USP46: variants seen among roughly 807,000 people sequenced by gnomAD.
USP46 encodes ubiquitin carboxyl-terminal hydrolase 46.
A neutral mutation model predicts 44.4 loss-of-function variants in USP46; 12 were observed. That is an observed-to-expected ratio of 0.27 (90% CI 0.17 to 0.44). The LOEUF (loss-of-function observed/expected upper bound fraction) is 0.44. Among genes scored for constraint, USP46 ranks in the 20% least tolerant of loss-of-function variants. USP46 has a pLI of 1.00. For synonymous variants in USP46, 155 were observed against 161.5 expected, an observed-to-expected ratio of 0.96 and a Z score of 0.31; for missense variants, 248 against 444.8, an observed-to-expected ratio of 0.56 and a Z score of 3.98.
chr4:52,642,882 C>T (rs916961712), intron 1 of USP46, among the ~76,000 whole-genome samples: 1 of 152,032 alleles, frequency 6.6e-6, no homozygotes, highest in African/African-American at 2.4e-5. Context: ...GCAATCTTTA[C>T]TAAATACTTG....
intron 4 of USP46, among the ~76,000 whole-genome samples, chr4:52,619,074 C>T (rs1040799265): frequency 6.6e-6 from 1 of 152,046 alleles, no homozygotes; most frequent in Admixed American, 6.6e-5. Context: ...ACAAATCTTA[C>T]GAACCAAACA....
At chr4:52,630,139 C>T (rs563403624) in intron 2 of USP46, among the ~76,000 whole-genome samples, 11 of 152,150 alleles carry the variant, frequency 7.2e-5, no homozygotes, top group South Asian at 2.1e-4. Flanking sequence ...AGAAAGCTCA[C>T]GAGGATGGAG....
rs1448379839 is a variant in USP46, at chr4:52,643,437, T to C, written c.37-12293A>G. Reference sequence around the variant, plus strand: ...ACAGCCATGATCATTCATTTACTTATGGCAACTACTTTCACAATATTAACA... The same window carrying C: ...ACAGCCATGATCATTCATTTACTTACGGCAACTACTTTCACAATATTAACA... On this transcript the variant is annotated intron_variant, in intron 1 of 8. Transcript: ENST00000441222. Among the ~76,000 whole-genome samples, 3 of 152,250 alleles carry C rather than the reference T, an allele frequency of 2.0e-5. No homozygotes were observed. The East Asian group carries it at 5.8e-4, about 29-fold the overall frequency.
At chr4:52,636,588 C>G (rs1174909729) in intron 1 of USP46, among the ~76,000 whole-genome samples, 1 of 150,934 alleles carries the variant, frequency 6.6e-6, no homozygotes, top group Non-Finnish European at 1.5e-5. Flanking sequence ...CACCTGTAGT[C>G]CCAGCTACTT....
intron 1 of USP46, among the ~76,000 whole-genome samples, chr4:52,644,028 C>T (rs777222680): frequency 6.6e-6 from 1 of 152,210 alleles, no homozygotes; most frequent in Non-Finnish European, 1.5e-5. Context: ...CATTACCTAA[C>T]CACCGGGCAC....
chr4:52,618,572 CTAAATAAA>C (rs1420284312), intron 4 of USP46, among the ~76,000 whole-genome samples: 1 of 152,074 alleles, frequency 6.6e-6, no homozygotes, highest in African/African-American at 2.4e-5. Flanking sequence ...GACCCTAACT[CTAAATAAA>C]TAAATAAATA....
chr4:52,632,946 A>AAG (rs1290225428), intron 1 of USP46, among the ~76,000 whole-genome samples: 5 of 73,456 alleles, frequency 6.8e-5, no homozygotes, highest in African/African-American at 2.9e-4. Flanking sequence ...GAAAGAAAGA[A>AAG]AGAAAGAAAG....
At chr4:52,613,739 A>G (rs1261984315) in intron 4 of USP46, among the ~76,000 whole-genome samples, 1 of 151,086 alleles carries the variant, frequency 6.6e-6, no homozygotes, top group Non-Finnish European at 1.5e-5. Context: ...AAAAAAAAAG[A>G]AAAGAAAAGA....
At chr4:52,623,844 C>T (rs370595993) in intron 4 of USP46, among the ~76,000 whole-genome samples, 8 of 152,066 alleles carry the variant, frequency 5.3e-5, no homozygotes, top group Non-Finnish European at 7.4e-5. Context: ...CACTTGAACC[C>T]GGGAGGCAGA....
chr4:52,617,695 G>T (rs1482053198), intron 4 of USP46, among the ~76,000 whole-genome samples: 2 of 152,296 alleles, frequency 1.3e-5, no homozygotes, highest in South Asian at 2.1e-4. Flanking sequence ...TGGAGGAAGG[G>T]TGTTGGTTTG....
intron 4 of USP46, among the ~76,000 whole-genome samples, chr4:52,621,663 T>TAA (rs577502883): frequency 2.9e-5 from 4 of 139,118 alleles, no homozygotes; most frequent in Non-Finnish European, 3.2e-5. Flanking sequence ...CTCACACACA[T>TAA]AAAAAAAAAA....
At chr4:52,629,073 C>T (rs1193752686) in intron 2 of USP46, among the ~76,000 whole-genome samples, 2 of 152,130 alleles carry the variant, frequency 1.3e-5, no homozygotes, top group Admixed American at 6.5e-5. Flanking sequence ...AAATAACTAA[C>T]AAGATTAATA....
At position 52,659,173 on chromosome 4, in the gene USP46, C is replaced by G. The variant is rs1577706805; in HGVS notation, c.-23G>C. 1 of 1,546,544 alleles carries G rather than the reference C, an allele frequency of 6.5e-7. No homozygotes were observed. The highest frequency in any genetic ancestry group is 8.7e-7 in the Non-Finnish European group (1 of 1,146,646). On this transcript the variant is annotated 5_prime_UTR_variant, in exon 1 of 9. Coordinates refer to ENST00000441222, the MANE Select transcript of USP46 (RefSeq NM_022832.4). The surrounding 1 kb of genome is among the most constrained non-coding windows in gnomAD (Gnocchi z 4.2). The stretch of plus-strand genomic sequence containing the variant: ...CATTAGTCTAAAGGTTGCAGCGATC[C>G]CTCACCGCCATCTTTACAAGGGGAA...
At chr4:52,653,732 T>C (rs1360869406) in intron 1 of USP46, among the ~76,000 whole-genome samples, 1 of 152,062 alleles carries the variant, frequency 6.6e-6, no homozygotes, top group Non-Finnish European at 1.5e-5. Flanking sequence ...ATGGGTAAGC[T>C]AGAGATAGAG....
intron 6 of USP46, among the ~76,000 whole-genome samples, chr4:52,603,199 T>C (rs766841621): frequency 6.6e-6 from 1 of 152,198 alleles, no homozygotes; most frequent in Non-Finnish European, 1.5e-5. Flanking sequence ...CCCCCAGGGC[T>C]GAACAAAAAA....
At chr4:52,601,643 AT>A (rs1381818857) in intron 7 of USP46, among the ~76,000 whole-genome samples, 1 of 152,214 alleles carries the variant, frequency 6.6e-6, no homozygotes, top group Non-Finnish European at 1.5e-5. Flanking sequence ...AATTTCTCTC[AT>A]GATAGAACAT....
chr4:52,631,782 G>C (rs1717836582), intron 1 of USP46, among the ~76,000 whole-genome samples: 1 of 152,136 alleles, frequency 6.6e-6, no homozygotes, highest in Non-Finnish European at 1.5e-5. Context: ...GAGGTGAGCG[G>C]ATCACTTGAG....
chr4:52,658,996 G>A (rs1719066913), intron 1 of USP46, 119 bp downstream of exon 1: 2 of 1,281,524 alleles, frequency 1.6e-6, no homozygotes, highest in South Asian at 1.7e-5. Flanking sequence ...GGGAACTTCT[G>A]GCGGCGCGGA....
rs186399638 is a variant in USP46 at position 52,653,276 on chromosome 4, C to T, written c.36+5839G>A. On this transcript the variant is annotated intron_variant, in intron 1 of 8. Coordinates refer to ENST00000441222, the MANE Select transcript of USP46 (RefSeq NM_022832.4). ...ATCCTAGCACTTTGAGAGGCTGAGG[C>T]GGGCGGATCACCTGAGGTCAGGAGT... Among the ~76,000 whole-genome samples, 465 of 152,044 alleles carry T rather than the reference C, an allele frequency of 3.1e-3. 4 individuals carry two copies. Among genetic ancestry groups the T allele is most frequent in the African/African-American group, 0.011 (446 of 41,492 alleles).
Sources: allele counts gnomAD v4.1 joint callset (sites outside exome capture counted in the v4.1 genomes callset), GRCh38; gene constraint gnomAD v4.1.1; non-coding constraint Gnocchi (gnomAD v3.1); transcripts MANE v1.5; gene names NCBI Gene and HGNC (gene_info 2026-07-23, HGNC 2026-07-21).